The following PHF6 variants were observed in gnomAD, a reference collection of about 807,000 sequenced individuals.
PHF6 encodes PHD-like zinc finger protein.
PHF6 carries 7 observed loss-of-function variants against 34.0 expected under a neutral mutation model. The ratio of observed to expected loss-of-function variants is 0.21; its 90% CI spans 0.12 to 0.39. PHF6 has a LOEUF of 0.39. Among genes scored for constraint, PHF6 ranks in the 10% least tolerant of loss-of-function variants. PHF6 has a pLI of 1.00. For missense variants in PHF6, 128 were observed against 262.8 expected, an observed-to-expected ratio of 0.49 and a Z score of 3.55; for synonymous variants, 89 against 88.4, an observed-to-expected ratio of 1.01 and a Z score of -0.04.
intron 5 of PHF6, among the ~76,000 whole-genome samples, chrX:134,407,169 T>C: frequency 8.9e-6 from 1 of 112,054 alleles, no homozygotes. Context: ...AACAGGGTGG[T>C]GGTGGGTGGA....
rs759708359 is a variant in PHF6, at chrX:134,377,749, G to A, written c.132G>A (p.Lys44=). 22 of 1,206,287 alleles carry A rather than the reference G, an allele frequency of 1.8e-5. No homozygotes were observed. In the East Asian group the frequency reaches 3.6e-4, roughly 20 times the overall value. ...SENQKVAAHH[K]CMLFSSALVS... ...ACCAGAAGGTGGCAGCGCACCATAAGTGCATGGTAAGTATACCGGCAGCAA... is the reference window on the plus strand; with the variant it reads ...ACCAGAAGGTGGCAGCGCACCATAAATGCATGGTAAGTATACCGGCAGCAA... Residue 44 remains lysine, a synonymous_variant, in exon 2 of 11, where the codon AAG becomes AAA. Transcript: ENST00000370803.
intron 1 of PHF6, among the ~76,000 whole-genome samples, chrX:134,375,782 A>T (rs1485224661): frequency 2.7e-5 from 3 of 112,438 alleles, no homozygotes; most frequent in Non-Finnish European, 3.8e-5. Flanking sequence ...AGTTAATTCT[A>T]AAAATTTGGG....
At position 134,386,713 on chromosome X, in the gene PHF6, G is replaced by T. The variant is rs186124280; in HGVS notation, c.241-6788G>T. Among the ~76,000 whole-genome samples the T allele has an allele frequency of 2.3e-3, 257 of 111,484 alleles. 1 individual carries two copies. The highest frequency in any genetic ancestry group is 7.9e-3 in the African/African-American group (241 of 30,680). On this transcript the variant is annotated intron_variant, in intron 3 of 10. Transcript: ENST00000370803. The stretch of plus-strand genomic sequence containing the variant: ...TTACAGGCGTGAGCCACCGTGCCTG[G>T]CCTCCCAGGTGATTTTTGATGAACA...
chrX:134,423,856 A>G (rs984754211), intron 9 of PHF6, among the ~76,000 whole-genome samples: 1 of 110,847 alleles, frequency 9.0e-6, no homozygotes, highest in Non-Finnish European at 1.9e-5. Context: ...CGTCTTATGT[A>G]TAATAGACAT....
At chrX:134,382,566 CTT>C (rs377670545) in intron 3 of PHF6, among the ~76,000 whole-genome samples, 9 of 84,606 alleles carry the variant, frequency 1.1e-4, no homozygotes, top group Non-Finnish European at 4.6e-5. Context: ...AGCTATTCTT[CTT>C]TTTTTTTTTT....
intron 2 of PHF6, 113 bp from the exon 3 acceptor site, chrX:134,377,892 A>G: frequency 1.1e-6 from 1 of 923,454 alleles, no homozygotes; most frequent in South Asian, 2.2e-5. Context: ...GTTTATCACT[A>G]ATGCTATGCC....
chrX:134,394,572 G>T (rs1471066429), intron 5 of PHF6, among the ~76,000 whole-genome samples: 2 of 105,792 alleles, frequency 1.9e-5, no homozygotes, highest in African/African-American at 6.9e-5. Context: ...ACAGAGTCTC[G>T]CTGTGTTGCC....
At chrX:134,380,010 A>G (rs1345858409) in intron 3 of PHF6, among the ~76,000 whole-genome samples, 3 of 112,032 alleles carry the variant, frequency 2.7e-5, no homozygotes. Flanking sequence ...CACAGCTTGT[A>G]TAGTCAGAAC....
intron 5 of PHF6, among the ~76,000 whole-genome samples, chrX:134,406,046 T>C (rs1332559060): frequency 9.6e-6 from 1 of 104,520 alleles, no homozygotes; most frequent in Non-Finnish European, 2.0e-5. Flanking sequence ...TCAATCTTAA[T>C]GCCTGTCCTT....
chrX:134,423,791 A>G (rs1259101843), intron 9 of PHF6, among the ~76,000 whole-genome samples: 4 of 111,068 alleles, frequency 3.6e-5, no homozygotes, highest in Non-Finnish European at 7.5e-5. Context: ...TTTTTCATCT[A>G]TTGCTGACCA....
chrX:134,380,328 A>G (rs1432985310), intron 3 of PHF6, among the ~76,000 whole-genome samples: 3 of 109,431 alleles, frequency 2.7e-5, no homozygotes, highest in East Asian at 5.8e-4. Flanking sequence ...TTGTATTTTT[A>G]GTAGAGACGG....
At chrX:134,392,804 T>C (rs969583819) in intron 3 of PHF6, among the ~76,000 whole-genome samples, 78 of 109,453 alleles carry the variant, frequency 7.1e-4, no homozygotes, top group Admixed American at 5.8e-4. Context: ...TAAGTGGATT[T>C]TTTTTTTTTT....
chrX:134,390,230 A>G (rs970207200), intron 3 of PHF6, among the ~76,000 whole-genome samples: 14 of 112,037 alleles, frequency 1.2e-4, no homozygotes, highest in African/African-American at 4.2e-4. Context: ...CTATTTTGTT[A>G]GTACCTTGCC....
chrX:134,397,839 A>C (rs1202614887), intron 5 of PHF6, among the ~76,000 whole-genome samples: 1 of 111,997 alleles, frequency 8.9e-6, no homozygotes, highest in Non-Finnish European at 1.9e-5. Flanking sequence ...AAAGAGCTTG[A>C]AGTCTAATAT....
chrX:134,376,916 G>A (rs184986065), intron 1 of PHF6, among the ~76,000 whole-genome samples: 2 of 111,411 alleles, frequency 1.8e-5, no homozygotes, highest in East Asian at 5.6e-4. Context: ...AGGTAAATTC[G>A]TTTTACTTTT....
chrX:134,402,619 G>A (rs1050334961), intron 5 of PHF6, among the ~76,000 whole-genome samples: 9 of 111,586 alleles, frequency 8.1e-5, no homozygotes, highest in Admixed American at 2.9e-4. Flanking sequence ...AAAATAATGC[G>A]TGTACAACTC....
chrX:134,402,993 C>T (rs2077408881), intron 5 of PHF6, among the ~76,000 whole-genome samples: 1 of 111,859 alleles, frequency 8.9e-6, no homozygotes, highest in Non-Finnish European at 1.9e-5. Context: ...CTCCATCTCT[C>T]TCCCTCTTTT....
chrX:134,415,632 C>T lies in PHF6; in HGVS notation c.834+512C>T, dbSNP rs185310507. Among the ~76,000 whole-genome samples, 595 of 111,910 alleles carry T rather than the reference C, an allele frequency of 5.3e-3. 3 individuals carry two copies. Among genetic ancestry groups the T allele is most frequent in the Non-Finnish European group, 6.5e-3 (343 of 53,129 alleles). ...AAGAAATGTTGGCATCTTTATTGAT[C>T]GCTTACTCCTTTAACACTTATGAAT... On this transcript the variant is annotated intron_variant, in intron 8 of 10. Coordinates refer to ENST00000370803, the MANE Select transcript of PHF6 (RefSeq NM_001015877.2).
chrX:134,393,335 T>A (rs2077362976), intron 3 of PHF6, among the ~76,000 whole-genome samples, 166 bp from the exon 4 acceptor site: 1 of 112,273 alleles, frequency 8.9e-6, no homozygotes, highest in African/African-American at 3.2e-5. Flanking sequence ...CCCAGAAGAA[T>A]TTTATTCCGG....
Sources: allele counts gnomAD v4.1 joint callset (sites outside exome capture counted in the v4.1 genomes callset), GRCh38; gene constraint gnomAD v4.1.1; transcripts MANE v1.5; gene names NCBI Gene and HGNC (gene_info 2026-07-23, HGNC 2026-07-21).